Variants in GRM3 observed in about 807,000 individuals in gnomAD.
GRM3 encodes the protein glutamate metabotropic receptor 3.
GRM3 carries 26 observed loss-of-function variants against 70.5 expected under a neutral mutation model. The observed-to-expected ratio is 0.37, with a 90% CI of 0.27 to 0.51. The LOEUF (loss-of-function observed/expected upper bound fraction) is 0.51, where lower values mean the gene tolerates loss of function less well. Among genes scored for constraint, GRM3 ranks in the 20% least tolerant of loss-of-function variants. The pLI is 0.93. For missense variants in GRM3, 859 were observed against 1,123.8 expected (o/e 0.76, Z 3.37); for synonymous variants, 443 against 434.9 (o/e 1.02, Z -0.23).
intron 1 of GRM3, among the ~76,000 whole-genome samples, chr7:86,679,558 C>T (rs957754236): frequency 2.0e-5 from 3 of 151,876 alleles, no homozygotes; most frequent in African/African-American, 7.3e-5. Context: ...TAAAATTAAA[C>T]ACAGCCAACG....
At chr7:86,648,436 A>C (rs1793530413) in intron 1 of GRM3, among the ~76,000 whole-genome samples, 1 of 152,318 alleles carries the variant, frequency 6.6e-6, no homozygotes, top group South Asian at 2.1e-4. Flanking sequence ...GTTGTCATGT[A>C]AATTCCACTA....
intron 1 of GRM3, among the ~76,000 whole-genome samples, chr7:86,648,401 G>C (rs1002229056): frequency 2.0e-5 from 3 of 152,188 alleles, no homozygotes; most frequent in African/African-American, 4.8e-5. Flanking sequence ...ATGCTGGTCT[G>C]ATGCTCCTCT....
chr7:86,823,499 T>C (rs188855583), intron 3 of GRM3, among the ~76,000 whole-genome samples: 2 of 150,262 alleles, frequency 1.3e-5, no homozygotes, highest in East Asian at 3.9e-4. Context: ...TTTTCAATTA[T>C]AGTGCAGTGC....
At chr7:86,648,587 A>T (rs539027560) in intron 1 of GRM3, among the ~76,000 whole-genome samples, 5 of 152,152 alleles carry the variant, frequency 3.3e-5, no homozygotes, top group Non-Finnish European at 5.9e-5. Context: ...AATCTAAAAA[A>T]CCCAGTGGAA....
chr7:86,696,242 A>G (rs1216875025), intron 1 of GRM3, among the ~76,000 whole-genome samples: 1 of 152,228 alleles, frequency 6.6e-6, no homozygotes, highest in Non-Finnish European at 1.5e-5. Context: ...ATATGATTAA[A>G]TTAAGAAAGA....
At chr7:86,664,205 G>A (rs1023424180) in intron 1 of GRM3, among the ~76,000 whole-genome samples, 19 of 151,932 alleles carry the variant, frequency 1.3e-4, no homozygotes, top group Non-Finnish European at 2.2e-4. Context: ...TGAGGGGTCA[G>A]AATGGAACAG....
At chr7:86,657,872 A>T (rs1793786762) in intron 1 of GRM3, among the ~76,000 whole-genome samples, 1 of 152,214 alleles carries the variant, frequency 6.6e-6, no homozygotes, top group Admixed American at 6.5e-5. Flanking sequence ...CAGCCAAAAC[A>T]ATTAAGCTAA....
intron 2 of GRM3, 55 bp downstream of exon 2, chr7:86,765,668 T>TG: frequency 6.8e-7 from 1 of 1,466,042 alleles, no homozygotes; most frequent in South Asian, 1.2e-5. Flanking sequence ...TTTTATGTGT[T>TG]GGGGGAACAA....
At chr7:86,791,563 G>C (rs1425945648) in intron 3 of GRM3, among the ~76,000 whole-genome samples, 1 of 152,184 alleles carries the variant, frequency 6.6e-6, no homozygotes, top group South Asian at 2.1e-4. Flanking sequence ...CTGTTAGCTC[G>C]TTAGTAACAG....
At chr7:86,810,799 CTT>C (rs986141244) in intron 3 of GRM3, among the ~76,000 whole-genome samples, 1 of 151,908 alleles carries the variant, frequency 6.6e-6, no homozygotes, top group Non-Finnish European at 1.5e-5. Context: ...CTTAAAAAGA[CTT>C]TTGTTTTTTC....
chr7:86,793,319 C>T (rs1427539150), intron 3 of GRM3, among the ~76,000 whole-genome samples: 1 of 152,134 alleles, frequency 6.6e-6, no homozygotes, highest in Non-Finnish European at 1.5e-5. Context: ...TGGCCCCAAC[C>T]CAGCAAGGCT....
At chr7:86,652,000 C>A (rs1793617953) in intron 1 of GRM3, among the ~76,000 whole-genome samples, 1 of 152,128 alleles carries the variant, frequency 6.6e-6, no homozygotes, top group Non-Finnish European at 1.5e-5. Flanking sequence ...GCTCATTTTT[C>A]AGAAAAGGTA....
At chr7:86,854,130 C>T (rs922116329) in intron 5 of GRM3, among the ~76,000 whole-genome samples, 6 of 152,128 alleles carry the variant, frequency 3.9e-5, no homozygotes, top group African/African-American at 1.2e-4. Context: ...CTTTCCAAAT[C>T]GCCAATTAAT....
rs1419473454 is a variant in GRM3 at position 86,786,266 on chromosome 7, A to C, written c.474A>C (p.Ala158=). The part of the protein sequence containing the change: ...GSYSSVSIQV[A]NLLRLFQIPQ... ...CCTTCTTCTCCCTCCCCTAGGTGGCAAACCTGCTGCGGCTCTTCCAGATCC... is the reference window on the plus strand; with the variant it reads ...CCTTCTTCTCCCTCCCCTAGGTGGCCAACCTGCTGCGGCTCTTCCAGATCC... The change falls in exon 3 of 6, where the codon GCA becomes GCC. Residue 158 remains alanine, a synonymous_variant. Coordinates refer to ENST00000361669, the MANE Select transcript of GRM3 (RefSeq NM_000840.3). This position sits in a 1 kb window ranked among gnomAD's most constrained non-coding sequence, Gnocchi z 6.0. The C allele has an allele frequency of 3.1e-6, 5 of 1,611,130 alleles. No individual in the cohort carries two copies. In the African/African-American group the frequency reaches 6.7e-5, roughly 21 times the overall value.
intron 2 of GRM3, among the ~76,000 whole-genome samples, 196 bp downstream of exon 2, chr7:86,765,809 A>G (rs1473246506): frequency 1.3e-5 from 2 of 152,154 alleles, no homozygotes; most frequent in Non-Finnish European, 2.9e-5. Context: ...GTTTAGAAGC[A>G]TATCAGGTAG....
At chr7:86,840,119 G>A (rs1473732126) in intron 4 of GRM3, among the ~76,000 whole-genome samples, 1 of 152,096 alleles carries the variant, frequency 6.6e-6, no homozygotes, top group Admixed American at 6.6e-5. Context: ...AGGCACAGAG[G>A]GGAAGAGAAA....
At position 86,688,729 on chromosome 7, in the gene GRM3, A is replaced by G. The variant is rs183590663; in HGVS notation, c.-141+43857A>G. ...GAAATATGATATATATCTCTTACAT[A>G]TATGATATATATATATCGTATATAT... On this transcript the variant is annotated intron_variant, in intron 1 of 5. Coordinates refer to ENST00000361669, the MANE Select transcript of GRM3 (RefSeq NM_000840.3). 3.5e-3 allele frequency among the ~76,000 whole-genome samples: 525 copies of G among 148,628 alleles called. 4 individuals are homozygous for G. Among genetic ancestry groups the G allele is most frequent in the African/African-American group, 0.012 (500 of 40,772 alleles).
chr7:86,759,422 T>C (rs1796426117), intron 1 of GRM3, among the ~76,000 whole-genome samples: 1 of 152,156 alleles, frequency 6.6e-6, no homozygotes, highest in African/African-American at 2.4e-5. Flanking sequence ...GCAATCTTTG[T>C]TATCTGAATG....
chr7:86,737,574 G>A (rs535681766), intron 1 of GRM3, among the ~76,000 whole-genome samples: 75 of 152,226 alleles, frequency 4.9e-4, no homozygotes, highest in African/African-American at 1.6e-3. Flanking sequence ...AATTTGTTAC[G>A]GTTATTATTA....
Sources: allele counts gnomAD v4.1 joint callset (sites outside exome capture counted in the v4.1 genomes callset), GRCh38; gene constraint gnomAD v4.1.1; non-coding constraint Gnocchi (gnomAD v3.1); transcripts MANE v1.5; gene names NCBI Gene and HGNC (gene_info 2026-07-23, HGNC 2026-07-21).